DLG1: variants seen among roughly 807,000 people sequenced by gnomAD.
The protein encoded by DLG1 is discs large MAGUK scaffold protein 1.
Under a neutral mutation model 123.4 loss-of-function variants are expected in DLG1, and 42 were observed. That is an observed-to-expected ratio of 0.34 (90% CI 0.27 to 0.44). DLG1 has a LOEUF of 0.44. Among genes scored for constraint, DLG1 ranks in the 20% least tolerant of loss-of-function variants. The pLI, the probability that DLG1 is intolerant of heterozygous loss-of-function variation, is 1.00. For synonymous variants in DLG1, 317 were observed against 356.2 expected (o/e 0.89, Z 1.24); for missense variants, 942 against 1,082.6 (o/e 0.87, Z 1.82).
In DLG1 at chr3:197,119,986, G is replaced by C. The variant is rs144142907; in HGVS notation, c.1166-456C>G. 2.0e-5 allele frequency among the ~76,000 whole-genome samples: 3 copies of C among 152,270 alleles called. No individual in the cohort carries two copies. The East Asian group carries it at 5.8e-4, about 29-fold the overall frequency. On this transcript the variant is annotated intron_variant, in intron 11 of 24. Coordinates refer to ENST00000667157, the MANE Select transcript of DLG1 (RefSeq NM_001366207.1). ...AACAAGCAAAAACTGTCGTCCAGGC[G>C]TAGTGGCTCACGCCTGTAACCCTAG...
At chr3:197,213,985 A>G (rs1342093079) in intron 4 of DLG1, among the ~76,000 whole-genome samples, 4 of 152,204 alleles carry the variant, frequency 2.6e-5, no homozygotes, top group Non-Finnish European at 5.9e-5. Context: ...TCAATAATTA[A>G]AAGTTTGATA....
At chr3:197,219,123 T>C (rs1488399200) in intron 4 of DLG1, among the ~76,000 whole-genome samples, 3 of 151,586 alleles carry the variant, frequency 2.0e-5, no homozygotes, top group Admixed American at 1.3e-4. Flanking sequence ...AGAGTGACAC[T>C]TGGACTCAAA....
At chr3:197,213,720 T>C (rs756163570) in intron 4 of DLG1, among the ~76,000 whole-genome samples, 6 of 152,186 alleles carry the variant, frequency 3.9e-5, no homozygotes, top group Admixed American at 6.5e-5. Context: ...CTGAAGTGAA[T>C]AAAGCAACAC....
chr3:197,284,872 T>C (rs964182448), intron 3 of DLG1, among the ~76,000 whole-genome samples: 1 of 152,172 alleles, frequency 6.6e-6, no homozygotes, highest in Non-Finnish European at 1.5e-5. Context: ...TTTCCCTGTT[T>C]TGGCCTAAAC....
chr3:197,133,017 G>C (rs1035807568), intron 10 of DLG1, among the ~76,000 whole-genome samples: 1 of 151,222 alleles, frequency 6.6e-6, no homozygotes, highest in African/African-American at 2.4e-5. Context: ...TTAAATAGCT[G>C]TGGTATACTG....
At chr3:197,295,249 A>G (rs1776849329) in intron 3 of DLG1, among the ~76,000 whole-genome samples, 1 of 152,186 alleles carries the variant, frequency 6.6e-6, no homozygotes. Flanking sequence ...CAGGTGCATC[A>G]AGTGGTCTTT....
At chr3:197,080,999 A>C (rs780097696) in intron 17 of DLG1, 52 bp downstream of exon 17, 1 of 1,514,822 alleles carries the variant, frequency 6.6e-7, no homozygotes, top group Non-Finnish European at 9.1e-7. Flanking sequence ...TTTCATTTTA[A>C]CAATGTAGCT....
chr3:197,076,589 C>G lies in DLG1; in HGVS notation c.2002G>C (p.Asp668His), dbSNP rs757753229. ...DQSEQETSDADQHVTSNASDS... is the reference protein window; with the variant it reads ...DQSEQETSDAHQHVTSNASDS... ...ACCACTGGATCCACATACTTACGGT[C>G]AGCATCACTTGTTTCCTGCTCACTC... is the stretch of plus-strand genomic sequence containing the variant. The change falls in exon 18 of 25, where the codon GAC (aspartate) becomes CAC (histidine). Residue 668 changes from aspartate to histidine, a missense_variant. Coordinates refer to ENST00000667157, the MANE Select transcript of DLG1 (RefSeq NM_001366207.1). 1.2e-6 allele frequency: 2 copies of G among 1,609,954 alleles called. No homozygotes were observed. Among genetic ancestry groups the G allele is most frequent in the African/African-American group, 2.7e-5 (2 of 74,880 alleles).
chr3:197,296,102 T>C (rs1288077637), intron 3 of DLG1, among the ~76,000 whole-genome samples: 4 of 152,206 alleles, frequency 2.6e-5, no homozygotes, highest in African/African-American at 9.7e-5. Context: ...CTTTTAATAG[T>C]TAATGCTATT....
intron 4 of DLG1, among the ~76,000 whole-genome samples, chr3:197,263,137 A>G (rs1019433173): frequency 1.3e-5 from 2 of 152,210 alleles, no homozygotes; most frequent in Non-Finnish European, 2.9e-5. Flanking sequence ...TTTGCGAAGA[A>G]AAATAAGGAG....
At chr3:197,124,611 C>CAACATAA (rs1254134311) in intron 11 of DLG1, among the ~76,000 whole-genome samples, 12 of 152,042 alleles carry the variant, frequency 7.9e-5, no homozygotes, top group Middle Eastern at 3.2e-3. Context: ...GTTGCCCAGG[C>CAACATAA]TGGAGTGCAG....
intron 4 of DLG1, among the ~76,000 whole-genome samples, chr3:197,261,778 C>G (rs1421102107): frequency 6.6e-6 from 1 of 152,090 alleles, no homozygotes; most frequent in Admixed American, 6.5e-5. Context: ...TAGTATGTAT[C>G]AAATTACAGC....
intron 13 of DLG1, among the ~76,000 whole-genome samples, chr3:197,109,389 A>T (rs1175508893): frequency 6.6e-6 from 1 of 152,192 alleles, no homozygotes; most frequent in Non-Finnish European, 1.5e-5. Context: ...GTAAACAAAC[A>T]AACATTTTAT....
chr3:197,053,679 A>G (rs960307815), intron 23 of DLG1, among the ~76,000 whole-genome samples: 2 of 151,706 alleles, frequency 1.3e-5, no homozygotes, highest in Non-Finnish European at 2.9e-5. Context: ...GGCTGAGGCA[A>G]GAGAATCACT....
intron 4 of DLG1, among the ~76,000 whole-genome samples, chr3:197,271,313 A>G (rs1246014780): frequency 6.6e-6 from 1 of 152,220 alleles, no homozygotes; most frequent in Non-Finnish European, 1.5e-5. Context: ...CTTTCCTTGC[A>G]GAGTCCTAAC....
chr3:197,081,497 T>C (rs945164646), intron 16 of DLG1, among the ~76,000 whole-genome samples: 2 of 152,190 alleles, frequency 1.3e-5, no homozygotes, highest in African/African-American at 4.8e-5. Context: ...AGAAAGCAAA[T>C]GTGGCAAAAT....
chr3:197,283,720 T>C (rs1770452105), intron 3 of DLG1, among the ~76,000 whole-genome samples: 5 of 152,202 alleles, frequency 3.3e-5, no homozygotes, highest in African/African-American at 7.2e-5. Context: ...TTACCCTGTA[T>C]AGAATAATTC....
At chr3:197,249,095 A>T (rs1156459058) in intron 4 of DLG1, among the ~76,000 whole-genome samples, 1 of 152,222 alleles carries the variant, frequency 6.6e-6, no homozygotes, top group Non-Finnish European at 1.5e-5. Context: ...TAAACATCAT[A>T]GCAGTAATAA....
At chr3:197,224,316 C>G (rs991608707) in intron 4 of DLG1, among the ~76,000 whole-genome samples, 3 of 151,776 alleles carry the variant, frequency 2.0e-5, no homozygotes, top group Non-Finnish European at 4.4e-5. Context: ...TTCTTAAAAC[C>G]TTTTATAATA....
Sources: allele counts gnomAD v4.1 joint callset (sites outside exome capture counted in the v4.1 genomes callset), GRCh38; gene constraint gnomAD v4.1.1; transcripts MANE v1.5; gene names NCBI Gene and HGNC (gene_info 2026-07-23, HGNC 2026-07-21).